Variants in OR10G3 observed in about 807,000 individuals in gnomAD.
The protein encoded by OR10G3 is olfactory receptor 10G3.
A neutral mutation model predicts 13.4 loss-of-function variants in OR10G3; 8 were observed. The observed-to-expected ratio is 0.60, with a 90% CI of 0.35 to 1.08. The LOEUF (loss-of-function observed/expected upper bound fraction) is 1.08, where lower values mean the gene tolerates loss of function less well. OR10G3 is among the 50% of genes least tolerant of loss of function. The pLI is 0.02. For synonymous variants in OR10G3, 142 were observed against 156.1 expected, an observed-to-expected ratio of 0.91 and a Z score of 0.67; for missense variants, 393 against 386.6, an observed-to-expected ratio of 1.02 and a Z score of -0.14.
chr14:21,571,683 T>TA (rs1381339071), intron 1 of OR10G3, among the ~76,000 whole-genome samples: 4 of 71,502 alleles, frequency 5.6e-5, no homozygotes, highest in African/African-American at 9.0e-5. Context: ...TTCGCATTTC[T>TA]TTTTTTTTTT....
rs1482441171 is a variant in OR10G3, at chr14:21,569,319, G to C, written c.*484C>G. On this transcript the variant is annotated 3_prime_UTR_variant, in exon 2 of 2. Coordinates refer to ENST00000641040, the MANE Select transcript of OR10G3 (RefSeq NM_001005465.2). ...ATTAGGTTGCGCCTGCCCAGATTAAGGGTGGATCTGCCTTTCCCAGCCTTC... is the reference window on the plus strand; with the variant it reads ...ATTAGGTTGCGCCTGCCCAGATTAACGGTGGATCTGCCTTTCCCAGCCTTC... 1 of 157,438 alleles carries C rather than the reference G, an allele frequency of 6.4e-6. No individual in the cohort carries two copies. Among genetic ancestry groups the C allele is most frequent in the Non-Finnish European group, 1.4e-5 (1 of 71,234 alleles). 9.8% of individuals were successfully genotyped at this position (157,438 alleles called of 1,614,324 possible).
intron 1 of OR10G3, among the ~76,000 whole-genome samples, chr14:21,572,617 A>C (rs1025058773): frequency 8.6e-5 from 13 of 151,018 alleles, no homozygotes; most frequent in Admixed American, 5.3e-4. Context: ...ACAAAAAAAA[A>C]AAAAAAAAAA....
chr14:21,570,212 A>T lies in OR10G3; in HGVS notation c.533T>A (p.Phe178Tyr), dbSNP rs774413885. Residue 178 changes from phenylalanine to tyrosine, a missense_variant, in exon 2 of 2, where the codon TTC becomes TAC. Transcript: ENST00000641040. ...CAACACTGCAGGGATGTCACAGAAG[A>T]AGTAATCCACCTGATTGGGCCCACA... ...PYCGPNQVDY[F>Y]FCDIPAVLRL... The T allele has an allele frequency of 2.5e-6, 4 of 1,614,144 alleles. No homozygotes were observed. The highest frequency in any genetic ancestry group is 3.4e-6 in the Non-Finnish European group (4 of 1,180,020).
chr14:21,571,133 T>G (rs1351988551), intron 1 of OR10G3, among the ~76,000 whole-genome samples: 13 of 152,178 alleles, frequency 8.5e-5, no homozygotes. Flanking sequence ...CATTGACTGT[T>G]GTGTTAGTAC....
At chr14:21,579,025 T>C (rs1179630759) in intron 1 of OR10G3, among the ~76,000 whole-genome samples, 1 of 152,178 alleles carries the variant, frequency 6.6e-6, no homozygotes, top group Non-Finnish European at 1.5e-5. Flanking sequence ...AGAGAACTTG[T>C]CTTATAGGTG....
chr14:21,576,592 GC>G (rs1304818826), intron 1 of OR10G3, among the ~76,000 whole-genome samples: 1 of 152,062 alleles, frequency 6.6e-6, no homozygotes, highest in African/African-American at 2.4e-5. Context: ...TTTTTAGATT[GC>G]CTTTGTTATT....
intron 1 of OR10G3, among the ~76,000 whole-genome samples, chr14:21,574,184 TC>T (rs1893102090): frequency 1.3e-5 from 2 of 151,352 alleles, no homozygotes; most frequent in African/African-American, 2.4e-5. Context: ...GCACCTGTAG[TC>T]CCAGCTACTG....
chr14:21,578,798 T>G (rs1223032013), intron 1 of OR10G3, among the ~76,000 whole-genome samples: 1 of 152,060 alleles, frequency 6.6e-6, no homozygotes, highest in African/African-American at 2.4e-5. Context: ...ATAAGACATA[T>G]AAAATGGAAA....
At position 21,570,046 on chromosome 14, in the gene OR10G3, A is replaced by G. The variant is rs1893046488; in HGVS notation, c.699T>C (p.Asp233=). Residue 233 remains aspartate, a synonymous_variant, in exon 2 of 2, where the codon GAT becomes GAC. Coordinates refer to ENST00000641040, the MANE Select transcript of OR10G3 (RefSeq NM_001005465.2). ...IQAILRIHTA[D]GRRRAFSTCG... ...AAGTTGAAAAAGCCCGGCGCCGCCCATCAGCTGTGTGGATTCTCAGGATGG... is the reference window on the plus strand; with the variant it reads ...AAGTTGAAAAAGCCCGGCGCCGCCCGTCAGCTGTGTGGATTCTCAGGATGG... 2 of 1,614,110 alleles carry G rather than the reference A, an allele frequency of 1.2e-6. No homozygotes were observed. The highest frequency in any genetic ancestry group is 1.7e-6 in the Non-Finnish European group (2 of 1,180,036).
At chr14:21,576,077 G>A (rs76960369) in intron 1 of OR10G3, among the ~76,000 whole-genome samples, 1,707 of 152,262 alleles carry the variant, frequency 0.011, 31 homozygotes, top group African/African-American at 0.039. Context: ...GGCTGCTCTG[G>A]TCTGTGTGTC....
At position 21,570,761 on chromosome 14, in the gene OR10G3, C is replaced by T; in HGVS notation, c.-17G>A. ...TCTTTCCATATCCCAGAGAATCTTA[C>T]CTAGAGAATGGACAAAACAAGAATT... On this transcript the variant is annotated splice_region_variant and 5_prime_UTR_variant, in exon 2 of 2. Coordinates refer to ENST00000641040, the MANE Select transcript of OR10G3 (RefSeq NM_001005465.2). The T allele has an allele frequency of 2.0e-6, 3 of 1,516,082 alleles. No individual in the cohort carries two copies. The highest frequency in any genetic ancestry group is 1.2e-5 in the South Asian group (1 of 80,406). 93.9% of individuals were successfully genotyped at this position (1,516,082 alleles called of 1,614,324 possible).
chr14:21,570,583 C>G lies in OR10G3; in HGVS notation c.162G>C (p.Arg54Ser), dbSNP rs1036632660. The G allele has an allele frequency of 1.9e-6, 3 of 1,614,022 alleles. No individual in the cohort carries two copies. The Admixed American group carries it at 5.0e-5, about 27-fold the overall frequency. Residue 54 changes from arginine to serine, a missense_variant, in exon 2 of 2, where the codon AGG (arginine) becomes AGC (serine). Arg to Ser is a moderately radical substitution (Grantham distance 110). Transcript: ENST00000641040. Reference sequence around the variant, plus strand: ...AGATGTACATGGGGCGGGCATGGAGCCTTGGGTCTGCCCAGACAGTGATTA... The same window carrying G: ...AGATGTACATGGGGCGGGCATGGAGGCTTGGGTCTGCCCAGACAGTGATTA... Reference protein sequence around the residue: ...LILITVWADPRLHARPMYIFL... With the variant: ...LILITVWADPSLHARPMYIFL...
At chr14:21,576,090 G>C (rs1893126347) in intron 1 of OR10G3, among the ~76,000 whole-genome samples, 1 of 152,154 alleles carries the variant, frequency 6.6e-6, no homozygotes, top group East Asian at 1.9e-4. Context: ...TGTGTGTCGT[G>C]TCATGGGATG....
chr14:21,573,348 G>A (rs534122383), intron 1 of OR10G3, among the ~76,000 whole-genome samples: 9 of 152,156 alleles, frequency 5.9e-5, no homozygotes, highest in East Asian at 3.9e-4. Flanking sequence ...ATGGGAATGC[G>A]GATGGGGAAT....
Position 21,570,909 on chromosome 14 carries a change from G to A in OR10G3, c.-17-148C>T, listed in dbSNP as rs555860804. ...AAGTAGGGAGAAACAATGTTCTCTG[G>A]CAGGTGTTTTGTAAACAAGATCTTA... On this transcript the variant is annotated intron_variant, in intron 1 of 1. Transcript: ENST00000641040. 8.4e-6 allele frequency: 5 copies of A among 593,836 alleles called. No individual in the cohort carries two copies. In the South Asian group the frequency reaches 1.1e-4, roughly 13 times the overall value. 36.8% of individuals were successfully genotyped at this position (593,836 alleles called of 1,614,324 possible). A position where few individuals can be genotyped will look rare whatever the true frequency, so the allele number is the denominator to read the frequency against.
At chr14:21,570,946 C>T (rs1000669249) in intron 1 of OR10G3, among the ~76,000 whole-genome samples, 185 bp from the exon 2 acceptor site, 3 of 152,194 alleles carry the variant, frequency 2.0e-5, no homozygotes, top group African/African-American at 7.2e-5. Context: ...TGGAACACAG[C>T]CTTGCTCATT....
Position 21,570,124 on chromosome 14 carries a change from C to T in OR10G3, c.621G>A (p.Val207=), listed in dbSNP as rs766253791. The change falls in exon 2 of 2, where the codon GTG becomes GTA. Residue 207 remains valine (V), a synonymous_variant. Coordinates refer to ENST00000641040, the MANE Select transcript of OR10G3 (RefSeq NM_001005465.2). ...ELVTFVDIGV[V]VASCFSLILL... ...GGATCAGGGAGAAGCAACTGGCAAC[C>T]ACCACCCCAATGTCTACAAACGTCA... 6.2e-7 allele frequency: 1 copy of T among 1,614,194 alleles called. No individual in the cohort carries two copies. The highest frequency in any genetic ancestry group is 8.5e-7 in the Non-Finnish European group (1 of 1,180,034).
chr14:21,576,209 C>T (rs1893127543), intron 1 of OR10G3, among the ~76,000 whole-genome samples: 1 of 152,182 alleles, frequency 6.6e-6, no homozygotes, highest in African/African-American at 2.4e-5. Context: ...TCAGTTCACA[C>T]TATTCAAGTA....
chr14:21,574,220 A>G (rs578216748), intron 1 of OR10G3, among the ~76,000 whole-genome samples: 1 of 146,352 alleles, frequency 6.8e-6, no homozygotes, highest in Non-Finnish European at 1.5e-5. Flanking sequence ...GGAGAATGGC[A>G]TGTACCGGGG....
Sources: allele counts gnomAD v4.1 joint callset (sites outside exome capture counted in the v4.1 genomes callset), GRCh38; gene constraint gnomAD v4.1.1; transcripts MANE v1.5; gene names NCBI Gene and HGNC (gene_info 2026-07-23, HGNC 2026-07-21).